The following CABIN1 variants were observed in gnomAD, a reference collection of about 807,000 sequenced individuals.
CABIN1 encodes calcineurin-binding protein cabin-1.
Under a neutral mutation model 227.7 loss-of-function variants are expected in CABIN1, and 133 were observed. That is an observed-to-expected ratio of 0.58 (90% confidence interval 0.51 to 0.67). CABIN1 has a LOEUF of 0.67. CABIN1 is among the 30% of genes least tolerant of loss of function. The pLI, the probability that CABIN1 is intolerant of heterozygous loss-of-function variation, is 0.00. For missense variants in CABIN1, 2,408 were observed against 2,852.5 expected (o/e 0.84, Z 3.55); for synonymous variants, 1,086 against 1,155.1 (o/e 0.94, Z 1.21).
intron 8 of CABIN1, among the ~76,000 whole-genome samples, chr22:24,051,533 C>T (rs958101457): frequency 3.9e-5 from 6 of 152,076 alleles, no homozygotes; most frequent in African/African-American, 1.2e-4. Flanking sequence ...AGTCCCTTAG[C>T]GAGCTCTGGA....
rs1207930419 is a variant in CABIN1, at chr22:24,072,518, G to GGCAGTGGGT, written c.2632+17_2632+25dup. 20 of 1,613,970 alleles carry GGCAGTGGGT rather than the reference G, an allele frequency of 1.2e-5. No individual in the cohort carries two copies. The highest frequency in any genetic ancestry group is 1.7e-5 in the Non-Finnish European group (20 of 1,180,032). ...AAAACCCAGCGGAGGAAGGTGCACA[G>GGCAGTGGGT]GCAGTGGGTGCAGTGGGGATGAGCT... On this transcript the variant is annotated intron_variant, in intron 18 of 36. Coordinates refer to ENST00000263119, the MANE Select transcript of CABIN1 (RefSeq NM_012295.4).
At chr22:24,168,173 G>C (rs147289867) in intron 32 of CABIN1, among the ~76,000 whole-genome samples, 1 of 152,352 alleles carries the variant, frequency 6.6e-6, no homozygotes, top group African/African-American at 2.4e-5. Flanking sequence ...TCTGGCACCA[G>C]TACCTGGTGG....
rs774413523 is a variant in CABIN1, at chr22:24,113,763, C to T, written c.4300+15C>T. On this transcript the variant is annotated intron_variant, in intron 27 of 36. Coordinates refer to ENST00000263119, the MANE Select transcript of CABIN1 (RefSeq NM_012295.4). ...AGAAGAAAGAGGTATGAAGCCCTAA[C>T]TCGGTGAATTAGAACCACTTTGATG... 1 of 1,613,448 alleles carries T rather than the reference C, an allele frequency of 6.2e-7. No homozygotes were observed. Among genetic ancestry groups the T allele is most frequent in the Non-Finnish European group, 8.5e-7 (1 of 1,179,764 alleles).
chr22:24,048,482 A>G (rs1017079629), intron 6 of CABIN1, among the ~76,000 whole-genome samples: 2 of 152,018 alleles, frequency 1.3e-5, no homozygotes, highest in Non-Finnish European at 2.9e-5. Flanking sequence ...GTACGGTGGT[A>G]TGATCACAGC....
intron 28 of CABIN1, among the ~76,000 whole-genome samples, chr22:24,128,053 T>C (rs1356029129): frequency 6.6e-6 from 1 of 152,082 alleles, no homozygotes; most frequent in Non-Finnish European, 1.5e-5. Flanking sequence ...TTCCAGATAT[T>C]GCCAGATGCC....
At position 24,167,079 on chromosome 22, in the gene CABIN1, C is replaced by T; in HGVS notation, c.5448C>T (p.Ala1816=). 6.5e-7 allele frequency: 1 copy of T among 1,545,054 alleles called. No homozygotes were observed. The highest frequency in any genetic ancestry group is 8.7e-7 in the Non-Finnish European group (1 of 1,145,092). Residue 1816 remains alanine, a synonymous_variant, in exon 32 of 37, where the codon GCC becomes GCT. Transcript: ENST00000263119. ...ARQQPTPLTP[A]QPAPAPAPAT... ...AGCAGCCCACCCCGCTCACCCCAGC[C>T]CAGCCAGCCCCCGCCCCCGCCCCCG...
chr22:24,152,928 C>T (rs1198565003), intron 29 of CABIN1, among the ~76,000 whole-genome samples: 3 of 121,688 alleles, frequency 2.5e-5, no homozygotes, highest in African/African-American at 9.7e-5. Context: ...CCAGCTTGGG[C>T]GACAGAGCAG....
chr22:24,145,934 A>G (rs1252441567), intron 29 of CABIN1, among the ~76,000 whole-genome samples: 1 of 152,206 alleles, frequency 6.6e-6, no homozygotes, highest in Non-Finnish European at 1.5e-5. Context: ...GGCTGTAGAC[A>G]TCCCACCCTG....
chr22:24,059,993 G>C lies in CABIN1; in HGVS notation c.1469G>C (p.Arg490Pro). The part of the protein sequence containing the change: ...TNGGILELMM[R>P]YLKAMGHKFL... ...GGGGGCATCCTGGAGCTGATGATGC[G>C]CTACCTGAAAGCCATGGGCCACAAG... Residue 490 changes from arginine (R) to proline (P), a missense_variant, in exon 12 of 37, where the codon CGC becomes CCC. By Grantham distance (103) the Arg-to-Pro change is moderately radical. This residue lies in a region of CABIN1 where 1,045 missense variants were observed against 1,168.4 expected (regional missense o/e 0.89). Transcript: ENST00000263119. 1 of 1,614,182 alleles carries C rather than the reference G, an allele frequency of 6.2e-7. No homozygotes were observed. The highest frequency in any genetic ancestry group is 8.5e-7 in the Non-Finnish European group (1 of 1,180,026).
At chr22:24,062,777 C>T (rs2039293515) in intron 13 of CABIN1, among the ~76,000 whole-genome samples, 182 bp from the exon 14 acceptor site, 1 of 152,060 alleles carries the variant, frequency 6.6e-6, no homozygotes, top group Non-Finnish European at 1.5e-5. Flanking sequence ...CTCTGCATAT[C>T]TTTGTCTTAA....
chr22:24,030,981 G>A (rs1376332060), intron 1 of CABIN1, among the ~76,000 whole-genome samples: 1 of 152,204 alleles, frequency 6.6e-6, no homozygotes, highest in Non-Finnish European at 1.5e-5. Context: ...GCGTTCCTTT[G>A]AGACATTACT....
At chr22:24,055,725 T>C (rs1226401219) in intron 9 of CABIN1, among the ~76,000 whole-genome samples, 1 of 152,270 alleles carries the variant, frequency 6.6e-6, no homozygotes, top group African/African-American at 2.4e-5. Context: ...TGAATAAACA[T>C]GTACATGGTT....
In CABIN1 at chr22:24,067,117, G is replaced by A. The variant is rs774230492; in HGVS notation, c.2168G>A (p.Arg723Gln). 22 of 1,614,084 alleles carry A rather than the reference G, an allele frequency of 1.4e-5. No homozygotes were observed. The highest frequency in any genetic ancestry group is 6.7e-5 in the African/African-American group (5 of 74,936). The change falls in exon 16 of 37, where the codon CGG becomes CAG. Residue 723 changes from arginine (R) to glutamine (Q), a missense_variant. Around this residue, in one of 3 missense-constraint regions of CABIN1, gnomAD observed 1,045 missense variants for 1,168.4 expected, o/e 0.89. Coordinates refer to ENST00000263119, the MANE Select transcript of CABIN1 (RefSeq NM_012295.4). ...ACTTTGTGCACCAGTGGGTTTGACC[G>A]GGCCAAACACCTGGAGTTTATGACT... is the stretch of plus-strand genomic sequence containing the variant. The part of the protein sequence containing the change: ...RPTLCTSGFD[R>Q]AKHLEFMTSI...
chr22:24,158,968 A>G (rs2045994596), intron 29 of CABIN1, among the ~76,000 whole-genome samples: 1 of 152,170 alleles, frequency 6.6e-6, no homozygotes, highest in African/African-American at 2.4e-5. Context: ...TGTGGAGGCC[A>G]GGATTTGTGG....
intron 24 of CABIN1, 189 bp downstream of exon 24, chr22:24,092,032 A>T (rs2041580055): frequency 4.3e-6 from 3 of 692,798 alleles, no homozygotes; most frequent in African/African-American, 3.6e-5. Context: ...GGTGTTTATC[A>T]TCCTTTCTGG....
intron 28 of CABIN1, among the ~76,000 whole-genome samples, chr22:24,132,610 C>T (rs934879020): frequency 1.3e-5 from 2 of 152,096 alleles, no homozygotes; most frequent in Non-Finnish European, 2.9e-5. Context: ...TTTTTTGAGA[C>T]GGAGTCTCAC....
intron 21 of CABIN1, 82 bp from the exon 22 acceptor site, chr22:24,084,924 G>T (rs753575640): frequency 5.0e-6 from 8 of 1,591,938 alleles, no homozygotes; most frequent in Non-Finnish European, 6.9e-6. Flanking sequence ...AGTCTGTCCT[G>T]TGACTAAACA....
At chr22:24,033,911 C>T (rs997794444) in intron 1 of CABIN1, among the ~76,000 whole-genome samples, 1 of 152,186 alleles carries the variant, frequency 6.6e-6, no homozygotes, top group African/African-American at 2.4e-5. Context: ...AGTTGCTCCC[C>T]AGTTGTCCTT....
At chr22:24,023,953 G>A (rs943192380) in intron 1 of CABIN1, among the ~76,000 whole-genome samples, 6 of 152,020 alleles carry the variant, frequency 3.9e-5, no homozygotes, top group Non-Finnish European at 8.8e-5. Flanking sequence ...GGCTGGTCTC[G>A]AACTTCTGGC....
Sources: allele counts gnomAD v4.1 joint callset (sites outside exome capture counted in the v4.1 genomes callset), GRCh38; gene constraint gnomAD v4.1.1; regional missense constraint gnomAD v4.1.1; transcripts MANE v1.5; gene names NCBI Gene and HGNC (gene_info 2026-07-23, HGNC 2026-07-21).